PKD1L1: variants seen among roughly 807,000 people sequenced by gnomAD.
PKD1L1 encodes polycystin 1 like 1, transient receptor potential channel interacting, also known as polycystin-1-like protein 1.
A neutral mutation model predicts 323.4 loss-of-function variants in PKD1L1; 236 were observed. The ratio of observed to expected loss-of-function variants is 0.73; its 90% CI spans 0.66 to 0.81. The LOEUF (loss-of-function observed/expected upper bound fraction) is 0.81, where lower values mean the gene tolerates loss of function less well. Ranked by LOEUF, PKD1L1 falls within the 40% of genes least tolerant of loss-of-function variation. The pLI is 0.00. For synonymous variants in PKD1L1, 1,344 were observed against 1,335.0 expected, an observed-to-expected ratio of 1.01 and a Z score of -0.15; for missense variants, 3,320 against 3,508.0, an observed-to-expected ratio of 0.95 and a Z score of 1.35.
chr7:47,809,272 T>A (rs576132786), intron 51 of PKD1L1: 1 of 467,484 alleles, frequency 2.1e-6, no homozygotes, highest in Admixed American at 4.0e-5. Context: ...CTGAAATTCG[T>A]GTGGTACATG....
In PKD1L1 at chr7:47,792,816, G is replaced by C. The variant is rs1173649785; in HGVS notation, c.8356-19C>G. 1 of 1,599,904 alleles carries C rather than the reference G, an allele frequency of 6.3e-7. No homozygotes were observed. The highest frequency in any genetic ancestry group is 8.6e-7 in the Non-Finnish European group (1 of 1,167,990). On this transcript the variant is annotated intron_variant, in intron 55 of 56. Coordinates refer to ENST00000289672, the MANE Select transcript of PKD1L1 (RefSeq NM_138295.5). ...AGTAATTCTGAAGGGAAGAAAATTA[G>C]ATTAGTAAATGCATTCAAGAATCTC... is the stretch of plus-strand genomic sequence containing the variant.
intron 4 of PKD1L1, among the ~76,000 whole-genome samples, chr7:47,933,811 AG>A (rs1787817424): frequency 6.6e-6 from 1 of 152,232 alleles, no homozygotes; most frequent in African/African-American, 2.4e-5. Context: ...GGTTCTCACC[AG>A]AGGGCCCTGT....
chr7:47,914,793 G>C (rs948302190), intron 8 of PKD1L1, among the ~76,000 whole-genome samples: 2 of 151,298 alleles, frequency 1.3e-5, no homozygotes, highest in Non-Finnish European at 2.9e-5. Context: ...TCCCACTGGT[G>C]GGTGGGGTGT....
rs1375241333 is a variant in PKD1L1 at position 47,857,670 on chromosome 7, A to T, written c.4525T>A (p.Cys1509Ser). 15 of 1,614,054 alleles carry T rather than the reference A, an allele frequency of 9.3e-6. No individual in the cohort carries two copies. Among genetic ancestry groups the T allele is most frequent in the African/African-American group, 4.0e-5 (3 of 74,928 alleles). ...AAGAGTATGAGCTGGCTAATGTAGC[A>T]TGGGCTCTGTGTCTCCGCCCCAGCA... ...SPAGAETQSPCYISQLILFKK... is the reference protein window; with the variant it reads ...SPAGAETQSPSYISQLILFKK... Residue 1509 changes from cysteine to serine, a missense_variant, in exon 28 of 57, where the codon TGC (cysteine) becomes AGC (serine). Coordinates refer to ENST00000289672, the MANE Select transcript of PKD1L1 (RefSeq NM_138295.5).
chr7:47,834,388 GAT>G lies in PKD1L1; in HGVS notation c.6128-5_6128-4del, dbSNP rs746178369. ...TATCCTTCCCCAGGAATTAGGACCT[GAT>G]TCAAAAAAATAAAAATCCAATGTAC... On this transcript the variant is annotated splice_region_variant and splice_polypyrimidine_tract_variant and intron_variant, in intron 39 of 56. Coordinates refer to ENST00000289672, the MANE Select transcript of PKD1L1 (RefSeq NM_138295.5). The G allele has an allele frequency of 6.6e-5, 106 of 1,613,332 alleles. No homozygotes were observed. The highest frequency in any genetic ancestry group is 8.6e-5 in the Non-Finnish European group (101 of 1,179,328).
intron 46 of PKD1L1, among the ~76,000 whole-genome samples, chr7:47,820,522 C>T (rs911172100): frequency 6.6e-6 from 1 of 152,098 alleles, no homozygotes; most frequent in African/African-American, 2.4e-5. Context: ...GTCAGGAGTT[C>T]AAGACCAGCC....
intron 13 of PKD1L1, among the ~76,000 whole-genome samples, chr7:47,899,456 T>C (rs6953806): frequency 0.5 from 75,324 of 151,910 alleles, 20,951 homozygotes; most frequent in African/African-American, 0.74. Context: ...CACCCCTTAC[T>C]CCTCCCAGCC....
rs748395078 is a variant in PKD1L1, at chr7:47,936,933, G to A, written c.311C>T (p.Ala104Val). The A allele has an allele frequency of 2.5e-6, 4 of 1,611,142 alleles. No homozygotes were observed. The South Asian group carries it at 4.4e-5, about 18-fold the overall frequency. ...QKNIWKTTSE[A>V]ALSVVNEKTQ... The stretch of plus-strand genomic sequence containing the variant: ...TTTTTCATTAACAACACTTAACGCT[G>A]CTTCACTAGTTGTTTTCCAAATGTT... Residue 104 changes from alanine to valine, a missense_variant, in exon 4 of 57, where the codon GCA (alanine) becomes GTA (valine). Coordinates refer to ENST00000289672, the MANE Select transcript of PKD1L1 (RefSeq NM_138295.5).
Position 47,811,864 on chromosome 7 carries a change from T to C in PKD1L1, c.7534A>G (p.Ile2512Val), listed in dbSNP as rs1427729982. ...VPSSLVESFS[I>V]FRSDSALQYH... The stretch of plus-strand genomic sequence containing the variant: ...TGCAGGGCTGAGTCGCTGCGGAAGA[T>C]GCTGAATGACTCCACCAGGGATGAG... The change falls in exon 50 of 57, where the codon ATC becomes GTC. Residue 2512 changes from isoleucine to valine, a missense_variant. By Grantham distance (29) the Ile-to-Val change is conservative. Transcript: ENST00000289672. The C allele has an allele frequency of 2.5e-6, 4 of 1,610,990 alleles. No individual in the cohort carries two copies. In the Admixed American group the frequency reaches 5.0e-5, roughly 20 times the overall value.
chr7:47,784,083 G>T (rs1786755279), intron 56 of PKD1L1, among the ~76,000 whole-genome samples: 1 of 152,114 alleles, frequency 6.6e-6, no homozygotes, highest in Non-Finnish European at 1.5e-5. Context: ...AAATAAAAGG[G>T]ATTAACAATA....
the PKD1L1 span, among the ~76,000 whole-genome samples, chr7:47,959,703 G>T: frequency 8.2e-6 from 1 of 122,304 alleles, no homozygotes; most frequent in Non-Finnish European, 1.8e-5. Flanking sequence ...AGGTGGGGGG[G>T]TCAGCCCCCC....
the PKD1L1 span, among the ~76,000 whole-genome samples, chr7:47,957,596 C>A: frequency 6.6e-6 from 1 of 152,082 alleles, no homozygotes; most frequent in African/African-American, 2.4e-5. Flanking sequence ...GCAGCCTCAA[C>A]TCCCTGGGCT....
chr7:47,844,934 C>A lies in PKD1L1; in HGVS notation c.5237+61G>T, dbSNP rs1020622144. On this transcript the variant is annotated intron_variant, in intron 33 of 56. Coordinates refer to ENST00000289672, the MANE Select transcript of PKD1L1 (RefSeq NM_138295.5). ...CACCCCCGGAATTATATGTGGGCATCCTGAGTGAACAGTAAAACAAATAAA... is the reference window on the plus strand; with the variant it reads ...CACCCCCGGAATTATATGTGGGCATACTGAGTGAACAGTAAAACAAATAAA... 22 of 1,415,732 alleles carry A rather than the reference C, an allele frequency of 1.6e-5. No individual in the cohort carries two copies. In the African/African-American group the frequency reaches 2.9e-4, roughly 18 times the overall value. The allele number at this position is 1,415,732 out of a possible 1,614,324, so 87.7% of individuals were successfully genotyped here.
intron 30 of PKD1L1, 60 bp from the exon 31 acceptor site, chr7:47,853,287 G>T: frequency 8.2e-7 from 1 of 1,212,526 alleles, no homozygotes; most frequent in Non-Finnish European, 1.2e-6. Flanking sequence ...AAAGGTTTTA[G>T]TCAAATTTCT....
intron 21 of PKD1L1, among the ~76,000 whole-genome samples, chr7:47,878,210 G>A (rs942511621): frequency 1.3e-5 from 2 of 152,222 alleles, no homozygotes; most frequent in Non-Finnish European, 1.5e-5. Flanking sequence ...TTGACATAGA[G>A]CATCCAAAAT....
intron 33 of PKD1L1, among the ~76,000 whole-genome samples, chr7:47,844,631 A>C (rs1246854766): frequency 6.6e-6 from 1 of 152,218 alleles, no homozygotes; most frequent in East Asian, 1.9e-4. Flanking sequence ...GGCTGTGACA[A>C]TAAACATAAA....
chr7:47,935,538 C>T (rs1301759120), intron 4 of PKD1L1, among the ~76,000 whole-genome samples: 1 of 152,256 alleles, frequency 6.6e-6, no homozygotes, highest in Non-Finnish European at 1.5e-5. Flanking sequence ...CTGCTGTCAG[C>T]AAAGACTCGG....
At chr7:47,879,665 G>T (rs1786490429) in intron 21 of PKD1L1, among the ~76,000 whole-genome samples, 2 of 141,926 alleles carry the variant, frequency 1.4e-5, no homozygotes, top group South Asian at 2.3e-4. Flanking sequence ...CAGGCACGGT[G>T]GCTCACGCCT....
rs745353354 is a variant in PKD1L1 at position 47,830,030 on chromosome 7, T to C, written c.6558+10A>G. 3.1e-6 allele frequency: 5 copies of C among 1,612,682 alleles called. No homozygotes were observed. The African/African-American group carries it at 6.7e-5, about 22-fold the overall frequency. On this transcript the variant is annotated intron_variant, in intron 43 of 56. Transcript: ENST00000289672. ...TGGAAGGCACTTCTACCATGGAGGG[T>C]GTTTCTTACCATAAGTGGCTGGGTG...
Sources: gnomAD v4.1 joint callset for allele counts (sites outside exome capture counted in the v4.1 genomes callset) on GRCh38, gnomAD v4.1.1 for gene constraint, MANE v1.5 for transcripts, NCBI Gene and HGNC (gene_info 2026-07-23, HGNC 2026-07-21) for gene names.